Variants in ZNF407 observed in about 807,000 individuals in gnomAD.
ZNF407 encodes the protein zinc finger protein 407.
ZNF407 carries 17 observed loss-of-function variants against 131.2 expected under a neutral mutation model. The ratio of observed to expected loss-of-function variants is 0.13; its 90% CI spans 0.09 to 0.19. The LOEUF is 0.19. Among genes scored for constraint, ZNF407 ranks in the 10% least tolerant of loss-of-function variants. ZNF407 has a pLI of 1.00. For synonymous variants in ZNF407, 1,156 were observed against 1,062.0 expected (o/e 1.09, Z -1.72); for missense variants, 2,681 against 2,830.6 (o/e 0.95, Z 1.20).
intron 4 of ZNF407, among the ~76,000 whole-genome samples, chr18:74,787,247 A>G (rs1198848664): frequency 6.6e-6 from 1 of 152,144 alleles, no homozygotes; most frequent in Non-Finnish European, 1.5e-5. Flanking sequence ...TTGCTAATAA[A>G]CCAACAATTT....
At chr18:74,871,025 TATG>T (rs1445870130) in intron 4 of ZNF407, among the ~76,000 whole-genome samples, 8 of 152,214 alleles carry the variant, frequency 5.3e-5, no homozygotes, top group African/African-American at 1.4e-4. Flanking sequence ...ATCTCACAAT[TATG>T]ATGCTTATAG....
chr18:74,750,128 A>G (rs1968765628), intron 3 of ZNF407, among the ~76,000 whole-genome samples: 1 of 152,130 alleles, frequency 6.6e-6, no homozygotes, highest in Non-Finnish European at 1.5e-5. Flanking sequence ...CTCTTCCAGG[A>G]ATATCATCCT....
In ZNF407 at chr18:75,025,804, A is replaced by G. The variant is rs75221523; in HGVS notation, c.5429-37346A>G. On this transcript the variant is annotated intron_variant, in intron 8 of 8. Coordinates refer to ENST00000299687, the MANE Select transcript of ZNF407 (RefSeq NM_017757.3). ...GCTTTTTCACCCTTTGAACGTAGTA[A>G]TTAGTCATTATGCTGCCAAGTGTGC... Among the ~76,000 whole-genome samples, 419 of 152,308 alleles carry G rather than the reference A, an allele frequency of 2.8e-3. 1 individual carries two copies. Among genetic ancestry groups the G allele is most frequent in the African/African-American group, 9.2e-3 (384 of 41,562 alleles).
intron 7 of ZNF407, among the ~76,000 whole-genome samples, chr18:74,892,331 C>T (rs1015300238): frequency 2.0e-5 from 3 of 152,146 alleles, no homozygotes; most frequent in African/African-American, 4.8e-5. Context: ...GTCAAACTAT[C>T]GAGTGAAATG....
intron 6 of ZNF407, among the ~76,000 whole-genome samples, chr18:74,886,936 G>C (rs190303764): frequency 4.6e-5 from 7 of 152,218 alleles, no homozygotes; most frequent in Admixed American, 3.9e-4. Context: ...CAGATTATAG[G>C]CCAAGTTAGT....
intron 8 of ZNF407, among the ~76,000 whole-genome samples, chr18:75,050,078 A>T (rs905104911): frequency 6.6e-6 from 1 of 152,306 alleles, no homozygotes; most frequent in South Asian, 2.1e-4. Flanking sequence ...TGGTTCAAAT[A>T]TTTTAGTCAT....
intron 6 of ZNF407, among the ~76,000 whole-genome samples, chr18:74,887,948 T>C (rs1971332727): frequency 1.3e-5 from 2 of 152,184 alleles, no homozygotes; most frequent in African/African-American, 4.8e-5. Flanking sequence ...TAAATGTTAC[T>C]ACAATTATGG....
intron 1 of ZNF407, among the ~76,000 whole-genome samples, chr18:74,617,182 A>ACAG (rs1983350945): frequency 2.2e-5 from 2 of 92,748 alleles, no homozygotes; most frequent in African/African-American, 4.1e-5. Flanking sequence ...CCATATCCAC[A>ACAG]CACATCGACA....
intron 1 of ZNF407, among the ~76,000 whole-genome samples, chr18:74,608,574 T>C (rs1781971743): frequency 6.6e-6 from 1 of 152,220 alleles, no homozygotes; most frequent in Admixed American, 6.5e-5. Context: ...CTTGAACTCC[T>C]AACCTCAAGT....
chr18:74,790,307 G>T (rs898675257), intron 4 of ZNF407, among the ~76,000 whole-genome samples: 1 of 152,052 alleles, frequency 6.6e-6, no homozygotes, highest in Non-Finnish European at 1.5e-5. Flanking sequence ...AGATAAAACC[G>T]AATTCTGTAG....
chr18:74,877,471 G>T, intron 5 of ZNF407, 108 bp downstream of exon 5: 5 of 1,038,916 alleles, frequency 4.8e-6, no homozygotes, highest in Admixed American at 2.2e-5. Context: ...CAATGGAAAT[G>T]ATGTCCTGCT....
chr18:74,604,693 C>T (rs1735504342), intron 1 of ZNF407, among the ~76,000 whole-genome samples: 1 of 152,192 alleles, frequency 6.6e-6, no homozygotes, highest in Non-Finnish European at 1.5e-5. Flanking sequence ...TAAATAAACA[C>T]AGAATTCAAT....
chr18:75,028,706 A>G (rs1261333757), intron 8 of ZNF407, among the ~76,000 whole-genome samples: 1 of 152,182 alleles, frequency 6.6e-6, no homozygotes. Context: ...TTGAGAGGCA[A>G]GTACTCCTAC....
chr18:74,794,446 G>A (rs1196537943), intron 4 of ZNF407, among the ~76,000 whole-genome samples: 1 of 150,870 alleles, frequency 6.6e-6, no homozygotes, highest in African/African-American at 2.4e-5. Context: ...TACTTTACCA[G>A]CTTTTATGAG....
chr18:74,664,726 T>C (rs563122528), intron 3 of ZNF407, among the ~76,000 whole-genome samples: 18 of 151,924 alleles, frequency 1.2e-4, no homozygotes, highest in Middle Eastern at 3.4e-3. Flanking sequence ...TTCTCTCTCT[T>C]TTTTTTTACT....
At position 74,853,395 on chromosome 18, in the gene ZNF407, T is replaced by C. The variant is rs536069500; in HGVS notation, c.4878-23802T>C. The stretch of plus-strand genomic sequence containing the variant: ...TTGTTTTGCATTCATTCATTTGTGA[T>C]TATACTTTACCACTCAGGAACACAT... On this transcript the variant is annotated intron_variant, in intron 4 of 8. Transcript: ENST00000299687. Among the ~76,000 whole-genome samples, 32 of 152,322 alleles carry C rather than the reference T, an allele frequency of 2.1e-4. No homozygotes were observed. In the South Asian group the frequency reaches 6.4e-3, roughly 31 times the overall value.
chr18:74,994,715 T>C (rs1412616484), intron 8 of ZNF407, among the ~76,000 whole-genome samples: 1 of 151,952 alleles, frequency 6.6e-6, no homozygotes, highest in Non-Finnish European at 1.5e-5. Context: ...CAGGAAACCA[T>C]ATGCAAAAGA....
chr18:74,909,904 T>G (rs2145221665), intron 7 of ZNF407, among the ~76,000 whole-genome samples: 1 of 152,336 alleles, frequency 6.6e-6, no homozygotes, highest in East Asian at 1.9e-4. Flanking sequence ...GAGTTTTTCC[T>G]TTCTAAAAAA....
chr18:74,605,082 T>G (rs1158521449), intron 1 of ZNF407, among the ~76,000 whole-genome samples: 1 of 152,202 alleles, frequency 6.6e-6, no homozygotes, highest in African/African-American at 2.4e-5. Flanking sequence ...TTTGTTAACC[T>G]TTTCACTCAC....
Sources: allele counts gnomAD v4.1 joint callset (sites outside exome capture counted in the v4.1 genomes callset), GRCh38; gene constraint gnomAD v4.1.1; transcripts MANE v1.5; gene names NCBI Gene and HGNC (gene_info 2026-07-23, HGNC 2026-07-21).